CAPS2: variants seen among roughly 807,000 people sequenced by gnomAD.
The protein encoded by CAPS2 is calcyphosine 2.
A neutral mutation model predicts 86.5 loss-of-function variants in CAPS2; 98 were observed. That is an observed-to-expected ratio of 1.13 (90% CI 0.96 to 1.34). The LOEUF is 1.34. Among genes scored for constraint, CAPS2 ranks in the 40% most tolerant of loss-of-function variants. CAPS2 has a pLI of 0.00. For synonymous variants in CAPS2, 210 were observed against 225.1 expected, an observed-to-expected ratio of 0.93 and a Z score of 0.60; for missense variants, 729 against 686.8, an observed-to-expected ratio of 1.06 and a Z score of -0.69.
Position 75,362,227 on chromosome 12 carries a change from A to G in CAPS2, c.-395+28611T>C, listed in dbSNP as rs561687801. Reference sequence around the variant, plus strand: ...TTTTAATTTTTTTTAAATACAAAGAAGATATGTAGGTAACAAATACACACA... The same window carrying G: ...TTTTAATTTTTTTTAAATACAAAGAGGATATGTAGGTAACAAATACACACA... On this transcript the variant is annotated intron_variant, in intron 1 of 5. Transcript: ENST00000551829. Among the ~76,000 whole-genome samples, 13 of 152,270 alleles carry G rather than the reference A, an allele frequency of 8.5e-5. No individual in the cohort carries two copies. In the East Asian group the frequency reaches 2.3e-3, roughly 27 times the overall value.
At chr12:75,294,822 T>C (rs1233081923) in intron 11 of CAPS2, among the ~76,000 whole-genome samples, 1 of 152,076 alleles carries the variant, frequency 6.6e-6, no homozygotes. Flanking sequence ...TACATCCCTG[T>C]AACAAAAGGC....
At chr12:75,348,628 A>C (rs1455522566) in intron 1 of CAPS2, among the ~76,000 whole-genome samples, 4 of 152,200 alleles carry the variant, frequency 2.6e-5, no homozygotes, top group Non-Finnish European at 5.9e-5. Flanking sequence ...ATGAAAAAGC[A>C]GTTAAGCATC....
chr12:75,311,754 A>T (rs917647411), intron 7 of CAPS2, among the ~76,000 whole-genome samples: 2 of 145,502 alleles, frequency 1.4e-5, no homozygotes, highest in African/African-American at 5.1e-5. Context: ...TGCCTCAAAG[A>T]AAATAAGGTT....
At chr12:75,338,644 G>A (rs985526973) in intron 1 of CAPS2, among the ~76,000 whole-genome samples, 1 of 151,394 alleles carries the variant, frequency 6.6e-6, no homozygotes. Context: ...GTGCAGGTTT[G>A]TTACACAGGT....
intron 1 of CAPS2, among the ~76,000 whole-genome samples, chr12:75,376,421 A>G (rs1256945788): frequency 1.3e-5 from 2 of 152,130 alleles, no homozygotes; most frequent in Non-Finnish European, 2.9e-5. Flanking sequence ...TCACACCCTG[A>G]ACCTTACCTC....
At chr12:75,316,985 T>C (rs1263020139) in intron 5 of CAPS2, among the ~76,000 whole-genome samples, 1 of 152,144 alleles carries the variant, frequency 6.6e-6, no homozygotes, top group Non-Finnish European at 1.5e-5. Context: ...TCCAATAAAA[T>C]AGCAACTTTT....
At chr12:75,359,355 G>GTTTTTTTTTT (rs1463566931) in intron 1 of CAPS2, among the ~76,000 whole-genome samples, 2 of 46,430 alleles carry the variant, frequency 4.3e-5, no homozygotes, top group African/African-American at 8.4e-5. Flanking sequence ...CAGCATTGTT[G>GTTTTTTTTTT]TCTTTTTTTT....
intron 15 of CAPS2, among the ~76,000 whole-genome samples, chr12:75,283,915 G>A (rs943170269): frequency 1.3e-5 from 2 of 152,114 alleles, no homozygotes; most frequent in African/African-American, 4.8e-5. Context: ...CAAGGAGAGA[G>A]GCCTCAGAAG....
chr12:75,351,605 G>C (rs2042820109), intron 1 of CAPS2, among the ~76,000 whole-genome samples: 1 of 150,500 alleles, frequency 6.6e-6, no homozygotes, highest in Non-Finnish European at 1.5e-5. Context: ...GGAGTGTACT[G>C]GTGTGATCTT....
chr12:75,298,700 C>T (rs769276856), exon 11 of CAPS2: 1 of 1,613,638 alleles, frequency 6.2e-7, no homozygotes, highest in South Asian at 1.1e-5. Context: ...ATAAAAATCA[C>T]CAAGTCGGTA....
At chr12:75,331,397 TA>T (rs2041292110), upstream of CAPS2, among the ~76,000 whole-genome samples, 1 of 152,132 alleles carries the variant, frequency 6.6e-6, no homozygotes, top group African/African-American at 2.4e-5. Context: ...AAAATACAAA[TA>T]AATTTTTAAA....
intron 1 of CAPS2, among the ~76,000 whole-genome samples, chr12:75,339,738 T>G (rs2041978081): frequency 6.6e-6 from 1 of 152,210 alleles, no homozygotes; most frequent in South Asian, 2.1e-4. Flanking sequence ...ATTTAAGTCT[T>G]TAATCCATCT....
At chr12:75,333,536 G>A (rs182125462), upstream of CAPS2, among the ~76,000 whole-genome samples, 26 of 152,228 alleles carry the variant, frequency 1.7e-4, no homozygotes, top group Non-Finnish European at 3.5e-4. Flanking sequence ...TATGAAAGTA[G>A]TATATACAGC....
At position 75,304,017 on chromosome 12, in the gene CAPS2, C is replaced by T. The variant is rs112767925; in HGVS notation, c.779+740G>A. 4.7e-3 allele frequency among the ~76,000 whole-genome samples: 715 copies of T among 152,152 alleles called. 7 individuals carry two copies. Among genetic ancestry groups the T allele is most frequent in the African/African-American group, 0.016 (682 of 41,502 alleles). ...TAGAAGGAATGTAGCCCTATCAATC[C>T]CTTGATTTTAGGCATCTGAACTCCA... On this transcript the variant is annotated intron_variant, in intron 8 of 16. Coordinates refer to ENST00000393284, the Ensembl canonical transcript of CAPS2.
At chr12:75,341,402 A>G (rs1316668257) in intron 1 of CAPS2, among the ~76,000 whole-genome samples, 1 of 152,174 alleles carries the variant, frequency 6.6e-6, no homozygotes, top group Non-Finnish European at 1.5e-5. Context: ...CAATCTCAAA[A>G]TGGATACATA....
chr12:75,277,945 G>A (rs2033203762), exon 17 of CAPS2: 1 of 845,616 alleles, frequency 1.2e-6, no homozygotes, highest in Non-Finnish European at 1.4e-6. Flanking sequence ...TCAATTGTTT[G>A]TTATACTAAA....
intron 1 of CAPS2, among the ~76,000 whole-genome samples, chr12:75,352,204 C>G (rs1052748490): frequency 2.6e-5 from 4 of 152,176 alleles, no homozygotes; most frequent in African/African-American, 9.7e-5. Flanking sequence ...ATAAAAGGCA[C>G]AGAATGGTAA....
chr12:75,277,603 A>G (rs2137934720), exon 17 of CAPS2: 1 of 983,088 alleles, frequency 1.0e-6, no homozygotes, highest in East Asian at 1.1e-4. Flanking sequence ...TTTAGTATTA[A>G]GTTTTAGTAC....
At chr12:75,282,050 A>G (rs185799511) in intron 16 of CAPS2, among the ~76,000 whole-genome samples, 2 of 152,270 alleles carry the variant, frequency 1.3e-5, no homozygotes, top group East Asian at 3.9e-4. Flanking sequence ...GATAATAAAT[A>G]TCAAATAATC....
Sources: allele counts gnomAD v4.1 joint callset (sites outside exome capture counted in the v4.1 genomes callset), GRCh38; gene constraint gnomAD v4.1.1; transcripts MANE v1.5; gene names NCBI Gene and HGNC (gene_info 2026-07-23, HGNC 2026-07-21).